The following OR2A12 variants were observed in gnomAD, a reference collection of about 807,000 sequenced individuals.
OR2A12 encodes olfactory receptor family 2 subfamily A member 12, also known as olfactory receptor 2A12.
For synonymous variants in OR2A12, 153 were observed against 149.3 expected (o/e 1.02, Z -0.18); for missense variants, 380 against 372.5 (o/e 1.02, Z -0.17).
At position 144,096,335 on chromosome 7, in the gene OR2A12, A is replaced by G. The variant is rs150184333; in HGVS notation, c.*295A>G. The G allele has an allele frequency of 0.024, 5,029 of 206,640 alleles. 89 individuals carry two copies. Among genetic ancestry groups the G allele is most frequent in the Middle Eastern group, 0.034 (16 of 466 alleles). The allele number at this position is 206,640 out of a possible 1,614,324, so 12.8% of individuals were successfully genotyped here. ...CCGGGCGTGCTGGTGGGCGCCTGTA[A>G]TCCCAGCTCTACTTGGGAGGCTGAG... On this transcript the variant is annotated 3_prime_UTR_variant, in exon 2 of 2. Coordinates refer to ENST00000641592, the MANE Select transcript of OR2A12 (RefSeq NM_001004135.2).
intron 1 of OR2A12, among the ~76,000 whole-genome samples, chr7:144,088,996 C>G (rs2051208636): frequency 6.6e-6 from 1 of 152,144 alleles, no homozygotes; most frequent in South Asian, 2.1e-4. Context: ...AACAAACTCT[C>G]CAGAATACAA....
intron 1 of OR2A12, among the ~76,000 whole-genome samples, chr7:144,089,897 T>G (rs1323455228): frequency 6.6e-6 from 1 of 152,222 alleles, no homozygotes; most frequent in Admixed American, 6.5e-5. Flanking sequence ...TTTGAAATTA[T>G]GTGTAAATAT....
chr7:144,088,100 G>C (rs1288317805), intron 1 of OR2A12, among the ~76,000 whole-genome samples: 1 of 152,146 alleles, frequency 6.6e-6, no homozygotes, highest in Non-Finnish European at 1.5e-5. Context: ...TGCAACCTCT[G>C]CCTCCTGTTC....
Position 144,095,725 on chromosome 7 carries a change from A to T in OR2A12, c.618A>T (p.Leu206Phe). The change falls in exon 2 of 2, where the codon TTA becomes TTT. Residue 206 changes from leucine to phenylalanine, a missense_variant. Leu to Phe is a conservative substitution (Grantham distance 22). Transcript: ENST00000641592. ...TATTTGCGGGTTCTGCGTTCATCTT[A>T]GTGGGGCCGCTCTGCCTGGTGCTGG... ...VVLFAGSAFI[L>F]VGPLCLVLVS... 6.2e-7 allele frequency: 1 copy of T among 1,613,956 alleles called. No homozygotes were observed. Among genetic ancestry groups the T allele is most frequent in the Non-Finnish European group, 8.5e-7 (1 of 1,179,988 alleles).
intron 1 of OR2A12, among the ~76,000 whole-genome samples, chr7:144,092,183 G>T (rs2051231849): frequency 6.6e-6 from 1 of 151,952 alleles, no homozygotes; most frequent in Non-Finnish European, 1.5e-5. Flanking sequence ...CTTATTTCTG[G>T]GTTCTCTATT....
chr7:144,089,316 A>ATG (rs377645584), intron 1 of OR2A12, among the ~76,000 whole-genome samples: 3 of 150,012 alleles, frequency 2.0e-5, no homozygotes, highest in Admixed American at 6.7e-5. Flanking sequence ...GTGCGTGTGC[A>ATG]TGTGTGTGTG....
In OR2A12 at chr7:144,095,382, C is replaced by G. The variant is rs2051254937; in HGVS notation, c.275C>G (p.Ser92Cys). Residue 92 changes from serine (S) to cysteine (C), a missense_variant, in exon 2 of 2, where the codon TCC (serine) becomes TGC (cysteine). Ser to Cys is a moderately radical substitution (Grantham distance 112, BLOSUM62 -1). Transcript: ENST00000641592. The stretch of plus-strand genomic sequence containing the variant: ...CTTGTGATGCACAAAAAAGTCATCT[C>G]CTTTGCTCCTTGCATACTTCAGACT... Reference protein sequence around the residue: ...ANLVMHKKVISFAPCILQTFL... With the variant: ...ANLVMHKKVICFAPCILQTFL... 6.2e-7 allele frequency: 1 copy of G among 1,614,050 alleles called. No individual in the cohort carries two copies. The highest frequency in any genetic ancestry group is 1.7e-5 in the Admixed American group (1 of 60,020).
In OR2A12 at chr7:144,096,044, A is replaced by G; in HGVS notation, c.*4A>G. ...TTGGAAACAGAGATCAATGTGAAGAATCATTTGAGATATCCTGAGTGTGTA... is the reference window on the plus strand; with the variant it reads ...TTGGAAACAGAGATCAATGTGAAGAGTCATTTGAGATATCCTGAGTGTGTA... On this transcript the variant is annotated 3_prime_UTR_variant, in exon 2 of 2. Coordinates refer to ENST00000641592, the MANE Select transcript of OR2A12 (RefSeq NM_001004135.2). 6.4e-7 allele frequency: 1 copy of G among 1,568,702 alleles called. No homozygotes were observed. Among genetic ancestry groups the G allele is most frequent in the Non-Finnish European group, 8.6e-7 (1 of 1,156,366 alleles).
At chr7:144,094,065 C>T (rs1218552319) in intron 1 of OR2A12, among the ~76,000 whole-genome samples, 1 of 152,026 alleles carries the variant, frequency 6.6e-6, no homozygotes, top group Non-Finnish European at 1.5e-5. Flanking sequence ...TTTGTTTTCC[C>T]TTTTTAGTGT....
In OR2A12 at chr7:144,095,668, C is replaced by A. The variant is rs755936944; in HGVS notation, c.561C>A (p.Ala187=). The A allele has an allele frequency of 6.8e-6, 11 of 1,614,098 alleles. No individual in the cohort carries two copies. Among genetic ancestry groups the A allele is most frequent in the Non-Finnish European group, 9.3e-6 (11 of 1,180,016 alleles). Residue 187 remains alanine (A), a synonymous_variant, in exon 2 of 2, where the codon GCC becomes GCA. Transcript: ENST00000641592. ...AAATCATGTCCGTATTCAAATTGGC[C>A]TGTGCTGACACTAGGCTCAACCAGG... ...FCQIMSVFKL[A]CADTRLNQVV... is the part of the protein sequence containing the mutation.
At chr7:144,092,597 A>G (rs1408242634) in intron 1 of OR2A12, among the ~76,000 whole-genome samples, 2 of 152,018 alleles carry the variant, frequency 1.3e-5, no homozygotes, top group African/African-American at 4.8e-5. Flanking sequence ...TTTTTGTGGC[A>G]ATTGTGAATG....
At position 144,096,616 on chromosome 7, in the gene OR2A12, C is replaced by T. The variant is rs559458698; in HGVS notation, c.*576C>T. 14 of 152,146 alleles carry T rather than the reference C, an allele frequency of 9.2e-5. No individual in the cohort carries two copies. The highest frequency in any genetic ancestry group is 3.1e-4 in the African/African-American group (13 of 41,476). 9.4% of individuals were successfully genotyped at this position (152,146 alleles called of 1,614,324 possible). The stretch of plus-strand genomic sequence containing the variant: ...CCTCTTAAAGAAAATATTAATGAAA[C>T]AAGTCCATCAGAATGAAGTAAGGAT... On this transcript the variant is annotated 3_prime_UTR_variant, in exon 2 of 2. Transcript: ENST00000641592.
chr7:144,087,562 T>C, intron 1 of OR2A12, among the ~76,000 whole-genome samples: 1 of 152,228 alleles, frequency 6.6e-6, no homozygotes, highest in East Asian at 1.9e-4. Flanking sequence ...TGGCAACACA[T>C]TAAGTGAAAA....
rs564719101 is a variant in OR2A12 at position 144,098,405 on chromosome 7, C to T, written c.*2365C>T. 26 of 152,234 alleles carry T rather than the reference C, an allele frequency of 1.7e-4. No individual in the cohort carries two copies. The highest frequency in any genetic ancestry group is 5.3e-4 in the African/African-American group (22 of 41,540). The allele number at this position is 152,234 out of a possible 1,614,324, so 9.4% of individuals were successfully genotyped here. A position where few individuals can be genotyped will look rare whatever the true frequency, so the allele number is the denominator to read the frequency against. ...TAGGTATCCCCAGGAAAGTGTAAGCCTATCCACATTCTTCCTGAAACCAAG... is the reference window on the plus strand; with the variant it reads ...TAGGTATCCCCAGGAAAGTGTAAGCTTATCCACATTCTTCCTGAAACCAAG... On this transcript the variant is annotated 3_prime_UTR_variant, in exon 2 of 2. Transcript: ENST00000641592.
rs2051270903 is a variant in OR2A12 at position 144,097,142 on chromosome 7, A to G, written c.*1102A>G. Reference sequence around the variant, plus strand: ...ACATTACTGTATATGTAGGAAATTCAAAAGAATTATAAGAAATTTTAAAGT... The same window carrying G: ...ACATTACTGTATATGTAGGAAATTCGAAAGAATTATAAGAAATTTTAAAGT... On this transcript the variant is annotated 3_prime_UTR_variant, in exon 2 of 2. Transcript: ENST00000641592. 6.6e-6 allele frequency: 1 copy of G among 152,148 alleles called. No individual in the cohort carries two copies. The highest frequency in any genetic ancestry group is 1.5e-5 in the Non-Finnish European group (1 of 68,024). 9.4% of individuals were successfully genotyped at this position (152,148 alleles called of 1,614,324 possible).
intron 1 of OR2A12, among the ~76,000 whole-genome samples, chr7:144,090,816 G>A (rs1038648291): frequency 2.0e-5 from 3 of 152,086 alleles, no homozygotes; most frequent in African/African-American, 7.2e-5. Context: ...CATTTCCTAA[G>A]GATAAAGACC....
intron 1 of OR2A12, 32 bp from the exon 2 acceptor site, chr7:144,095,025 A>T: frequency 1.1e-6 from 1 of 914,448 alleles, no homozygotes; most frequent in Non-Finnish European, 1.7e-6. Context: ...TTCATGCTCT[A>T]TAATGAAATG....
chr7:144,097,326 C>T lies in OR2A12; in HGVS notation c.*1286C>T, dbSNP rs577773823. On this transcript the variant is annotated 3_prime_UTR_variant, in exon 2 of 2. Transcript: ENST00000641592. ...AGATTATACAAAAGCTCTAAAGAGA[C>T]AATTAAAAATTTATTGAGAGACTAT... 6.6e-6 allele frequency: 1 copy of T among 152,010 alleles called. No homozygotes were observed. The highest frequency in any genetic ancestry group is 1.5e-5 in the Non-Finnish European group (1 of 67,992). 9.4% of individuals were successfully genotyped at this position (152,010 alleles called of 1,614,324 possible). A position where few individuals can be genotyped will look rare whatever the true frequency, so the allele number is the denominator to read the frequency against.
intron 1 of OR2A12, among the ~76,000 whole-genome samples, chr7:144,089,559 A>G (rs2051214124): frequency 6.6e-6 from 1 of 150,864 alleles, no homozygotes; most frequent in African/African-American, 2.5e-5. Context: ...TATTTGTCAA[A>G]AAAATTGCTT....
Sources: gnomAD v4.1 joint callset for allele counts (sites outside exome capture counted in the v4.1 genomes callset) on GRCh38, gnomAD v4.1.1 for gene constraint, MANE v1.5 for transcripts, NCBI Gene and HGNC (gene_info 2026-07-23, HGNC 2026-07-21) for gene names.